The following FGGY variants were observed in gnomAD, a reference collection of about 807,000 sequenced individuals.
FGGY encodes FGGY carbohydrate kinase domain containing.
Under a neutral mutation model 71.3 loss-of-function variants are expected in FGGY, and 72 were observed. The ratio of observed to expected loss-of-function variants is 1.01; its 90% CI spans 0.84 to 1.23. FGGY has a LOEUF of 1.23. Ranked by LOEUF, FGGY falls within the 50% of genes most tolerant of loss-of-function variation. The pLI is 0.00. For missense variants in FGGY, 668 were observed against 682.3 expected (o/e 0.98, Z 0.23); for synonymous variants, 251 against 250.3 (o/e 1.00, Z -0.02).
At chr1:59,447,184 A>T (rs1464141002) in intron 5 of FGGY, among the ~76,000 whole-genome samples, 1 of 152,228 alleles carries the variant, frequency 6.6e-6, no homozygotes, top group East Asian at 1.9e-4. Context: ...ATGAAAATAA[A>T]GATGGTGATT....
At chr1:59,343,582 C>A (rs563176561) in intron 3 of FGGY, among the ~76,000 whole-genome samples, 1 of 152,152 alleles carries the variant, frequency 6.6e-6, no homozygotes, top group Admixed American at 6.5e-5. Context: ...CTCCTGCAGA[C>A]ATATGTTGCT....
chr1:59,627,941 G>C (rs1356851740), intron 10 of FGGY, among the ~76,000 whole-genome samples: 1 of 152,146 alleles, frequency 6.6e-6, no homozygotes, highest in African/African-American at 2.4e-5. Context: ...CCTCTTCACT[G>C]TCAGGACAGT....
rs144401472 is a variant in FGGY at position 59,512,305 on chromosome 1, A to G, written c.671-6A>G. 5.7e-5 allele frequency: 92 copies of G among 1,602,960 alleles called. 1 individual carries two copies. In the East Asian group the frequency reaches 2.0e-3, roughly 35 times the overall value. On this transcript the variant is annotated splice_polypyrimidine_tract_variant and splice_region_variant and intron_variant, in intron 6 of 15. Coordinates refer to ENST00000303721, the MANE Select transcript of FGGY (RefSeq NM_018291.5). ...ATGGTGTTTGTTTTTTCTCATGTCT[A>G]CCCAGGAAACCAAGTGCTACCTCCT...
chr1:59,458,976 A>T (rs1240459438), intron 6 of FGGY, among the ~76,000 whole-genome samples: 1 of 152,176 alleles, frequency 6.6e-6, no homozygotes, highest in Non-Finnish European at 1.5e-5. Context: ...GAAGTGTTAA[A>T]CATTTCCAGT....
intron 14 of FGGY, chr1:59,699,441 G>T: frequency 4.1e-6 from 4 of 977,136 alleles, no homozygotes; most frequent in Non-Finnish European, 4.9e-6. Context: ...CCTAGGGGCT[G>T]TAGAGAACAT....
intron 5 of FGGY, among the ~76,000 whole-genome samples, chr1:59,428,874 TG>T (rs1355806058): frequency 7.9e-5 from 12 of 152,190 alleles, no homozygotes; most frequent in African/African-American, 2.4e-4. Context: ...ATACGAAAGG[TG>T]GCGTGAGGAT....
At chr1:59,705,838 T>C (rs959383537) in intron 14 of FGGY, among the ~76,000 whole-genome samples, 6 of 152,252 alleles carry the variant, frequency 3.9e-5, no homozygotes, top group Admixed American at 2.6e-4. Context: ...AAAGACCTTT[T>C]TTCCCCTGGA....
chr1:59,556,336 T>A (rs998623380), intron 8 of FGGY, among the ~76,000 whole-genome samples: 1 of 152,254 alleles, frequency 6.6e-6, no homozygotes, highest in Non-Finnish European at 1.5e-5. Context: ...CAAGTGTCTC[T>A]GTGATGGCCT....
chr1:59,744,090 A>G (rs2098173235), intron 14 of FGGY, among the ~76,000 whole-genome samples: 1 of 152,240 alleles, frequency 6.6e-6, no homozygotes, highest in South Asian at 2.1e-4. Flanking sequence ...TTTTGAAACT[A>G]TTAGTTTGTG....
intron 8 of FGGY, among the ~76,000 whole-genome samples, chr1:59,578,237 G>A (rs557526460): frequency 6.6e-6 from 1 of 152,232 alleles, no homozygotes; most frequent in South Asian, 2.1e-4. Flanking sequence ...GGAGCAGAAT[G>A]ATCCCAGAGC....
chr1:59,456,410 A>G (rs1379351763), intron 5 of FGGY, among the ~76,000 whole-genome samples: 4 of 152,086 alleles, frequency 2.6e-5, no homozygotes, highest in Non-Finnish European at 4.4e-5. Context: ...ATTCATATAC[A>G]GATTGTTTAA....
intron 5 of FGGY, among the ~76,000 whole-genome samples, chr1:59,438,984 T>A (rs886860713): frequency 3.3e-5 from 5 of 152,230 alleles, no homozygotes; most frequent in Non-Finnish European, 7.3e-5. Flanking sequence ...TACTATCTCA[T>A]GAATTTTTTA....
At chr1:59,689,439 G>T (rs544572066) in intron 14 of FGGY, among the ~76,000 whole-genome samples, 1 of 152,130 alleles carries the variant, frequency 6.6e-6, no homozygotes, top group Non-Finnish European at 1.5e-5. Context: ...GGTAGGGGTT[G>T]TTAACCACAA....
intron 11 of FGGY, chr1:59,641,430 C>T (rs1309876539): frequency 4.2e-6 from 5 of 1,198,944 alleles, no homozygotes; most frequent in Non-Finnish European, 6.1e-6. Context: ...CAGGCCTGTG[C>T]TAAACCCAGG....
intron 6 of FGGY, among the ~76,000 whole-genome samples, chr1:59,469,357 C>T (rs2092820931): frequency 6.6e-6 from 1 of 152,156 alleles, no homozygotes; most frequent in African/African-American, 2.4e-5. Context: ...CTTCTTGCTG[C>T]ATCATCCCAT....
intron 6 of FGGY, among the ~76,000 whole-genome samples, chr1:59,503,618 TAA>T (rs56183805): frequency 3.5e-5 from 5 of 143,752 alleles, no homozygotes; most frequent in African/African-American, 5.1e-5. Flanking sequence ...TATATATATA[TAA>T]AATATGTATT....
At chr1:59,357,259 A>C (rs2054507666) in intron 4 of FGGY, among the ~76,000 whole-genome samples, 1 of 149,670 alleles carries the variant, frequency 6.7e-6, no homozygotes, top group Non-Finnish European at 1.5e-5. Context: ...ATAGTCCAGC[A>C]AAGTAATTTT....
chr1:59,414,114 A>G (rs1300064676), intron 5 of FGGY, among the ~76,000 whole-genome samples: 2 of 152,236 alleles, frequency 1.3e-5, no homozygotes, highest in Non-Finnish European at 2.9e-5. Flanking sequence ...ATTTGTTTGT[A>G]CTAGTTAAGG....
intron 11 of FGGY, among the ~76,000 whole-genome samples, chr1:59,641,732 A>T (rs1365447868): frequency 3.9e-5 from 6 of 152,228 alleles, no homozygotes; most frequent in Non-Finnish European, 8.8e-5. Flanking sequence ...GATGGTGTTC[A>T]ACTAGGAAAA....
Sources: allele counts gnomAD v4.1 joint callset (sites outside exome capture counted in the v4.1 genomes callset), GRCh38; gene constraint gnomAD v4.1.1; transcripts MANE v1.5; gene names NCBI Gene and HGNC (gene_info 2026-07-23, HGNC 2026-07-21).